PIK3AP1: variants seen among roughly 807,000 people sequenced by gnomAD.
PIK3AP1 encodes phosphoinositide 3-kinase adapter protein 1.
PIK3AP1 carries 21 observed loss-of-function variants against 88.1 expected under a neutral mutation model. The ratio of observed to expected loss-of-function variants is 0.24; its 90% CI spans 0.17 to 0.34. The LOEUF (loss-of-function observed/expected upper bound fraction) is 0.34, where lower values mean the gene tolerates loss of function less well. PIK3AP1 is among the 10% of genes least tolerant of loss of function. The pLI, the probability that PIK3AP1 is intolerant of heterozygous loss-of-function variation, is 1.00. For missense variants in PIK3AP1, 828 were observed against 1,035.7 expected, an observed-to-expected ratio of 0.80 and a Z score of 2.75; for synonymous variants, 398 against 400.0, an observed-to-expected ratio of 1.00 and a Z score of 0.06.
At chr10:96,685,429 C>CA (rs1844055418) in intron 2 of PIK3AP1, among the ~76,000 whole-genome samples, 1 of 152,212 alleles carries the variant, frequency 6.6e-6, no homozygotes, top group South Asian at 2.1e-4. Context: ...CATCTGCCCA[C>CA]AGCCCCTGGA....
intron 13 of PIK3AP1, among the ~76,000 whole-genome samples, chr10:96,611,113 G>T (rs950516243): frequency 6.6e-6 from 1 of 152,226 alleles, no homozygotes; most frequent in African/African-American, 2.4e-5. Flanking sequence ...GGATGAAGGA[G>T]CAGCGAGAGG....
chr10:96,664,414 T>G (rs947632937), intron 2 of PIK3AP1, among the ~76,000 whole-genome samples: 1 of 152,216 alleles, frequency 6.6e-6, no homozygotes, highest in African/African-American at 2.4e-5. Context: ...TTTATGTATT[T>G]TAGTATTTTC....
intron 16 of PIK3AP1, among the ~76,000 whole-genome samples, chr10:96,601,366 C>T (rs747319489): frequency 1.2e-4 from 17 of 146,808 alleles, no homozygotes; most frequent in Non-Finnish European, 1.6e-4. Flanking sequence ...CCCAGCTACT[C>T]GGAAGGCTGA....
Position 96,627,743 on chromosome 10 carries a change from TAAC to T in PIK3AP1, c.1471+652_1471+654del, listed in dbSNP as rs1302397783. Among the ~76,000 whole-genome samples, 2 of 152,212 alleles carry T rather than the reference TAAC, an allele frequency of 1.3e-5. 1 individual carries two copies. The highest frequency in any genetic ancestry group is 3.8e-4 in the East Asian group (2 of 5,202). Reference sequence around the variant, plus strand: ...CCACCTTTGAAACCTTCAGTAATAATAACAACAATAATAAATCTTCATTAACTG... The same window carrying T: ...CCACCTTTGAAACCTTCAGTAATAATAACAATAATAAATCTTCATTAACTG... On this transcript the variant is annotated intron_variant, in intron 9 of 16. Transcript: ENST00000339364.
At chr10:96,641,086 CGTGTGTGTGTGTGT>C (rs56816682) in intron 8 of PIK3AP1, among the ~76,000 whole-genome samples, 156 of 143,342 alleles carry the variant, frequency 1.1e-3, no homozygotes, top group Non-Finnish European at 2.0e-3. Context: ...GTGAGTGTGC[CGTGTGTGTGTGTGT>C]GTGTGTGTGT....
At position 96,597,271 on chromosome 10, in the gene PIK3AP1, TTTCCTTCCTTCCTTCCTTCCTTCCTTCC is replaced by T. The variant is rs536365112; in HGVS notation, c.2361-1665_2361-1638del. Among the ~76,000 whole-genome samples the T allele has an allele frequency of 1.6e-3, 172 of 107,612 alleles. 4 individuals are homozygous for T. Among genetic ancestry groups the T allele is most frequent in the African/African-American group, 6.3e-3 (153 of 24,316 alleles). 70.6% of individuals were successfully genotyped at this position (107,612 alleles called of 152,430 possible). On this transcript the variant is annotated intron_variant, in intron 16 of 16. Coordinates refer to ENST00000339364, the MANE Select transcript of PIK3AP1 (RefSeq NM_152309.3). ...CCTTCTTTTTTTCTTTCTTTCTTTC[TTTCCTTCCTTCCTTCCTTCCTTCCTTCC>T]TTCCTTCCTTCCTTCCTTCCTTCCT...
intron 2 of PIK3AP1, among the ~76,000 whole-genome samples, chr10:96,707,483 T>C (rs902527095): frequency 3.9e-5 from 6 of 152,084 alleles, no homozygotes; most frequent in Non-Finnish European, 8.8e-5. Context: ...TTAGTAGAGA[T>C]GGAGTTTCAC....
chr10:96,606,944 G>A (rs1023186143), intron 14 of PIK3AP1, among the ~76,000 whole-genome samples: 2 of 152,110 alleles, frequency 1.3e-5, no homozygotes, highest in African/African-American at 4.8e-5. Flanking sequence ...AAAAAAGAAA[G>A]AAAGAAAAAA....
chr10:96,625,132 G>T (rs1026647000), intron 10 of PIK3AP1, among the ~76,000 whole-genome samples: 1 of 152,154 alleles, frequency 6.6e-6, no homozygotes, highest in South Asian at 2.1e-4. Flanking sequence ...TGTAGAATGC[G>T]CAACTAAGAA....
intron 3 of PIK3AP1, among the ~76,000 whole-genome samples, chr10:96,655,437 G>C (rs1843601911): frequency 6.6e-6 from 1 of 152,146 alleles, no homozygotes; most frequent in African/African-American, 2.4e-5. Flanking sequence ...AATCTGGGAG[G>C]CAGAGGTTGC....
In PIK3AP1 at chr10:96,648,661, C is replaced by T; in HGVS notation, c.1183G>A (p.Val395Met). 6.2e-7 allele frequency: 1 copy of T among 1,606,856 alleles called. No individual in the cohort carries two copies. Among genetic ancestry groups the T allele is most frequent in the South Asian group, 1.1e-5 (1 of 89,518 alleles). The change falls in exon 7 of 17, where the codon GTG (valine) becomes ATG (methionine). Residue 395 changes from valine (V) to methionine (M), a missense_variant and splice_region_variant. Val to Met is a conservative substitution (Grantham distance 21, BLOSUM62 1). Transcript: ENST00000339364. ...RDLRQFIDEY[V>M]ETVDMLKSHI... ...GGCCCCTCCTGCCTTGACCTTACCA[C>T]ATACTCGTCGATGAACTGCCGCAGG...
At chr10:96,652,875 C>T in intron 3 of PIK3AP1, 33 bp from the exon 4 acceptor site, 1 of 1,604,948 alleles carries the variant, frequency 6.2e-7, no homozygotes, top group East Asian at 2.2e-5. Flanking sequence ...GTCCCCTCTC[C>T]CTCTCAGATC....
At chr10:96,710,206 C>T (rs138770414) in intron 1 of PIK3AP1, among the ~76,000 whole-genome samples, 1,764 of 142,228 alleles carry the variant, frequency 0.012, 17 homozygotes, top group African/African-American at 0.033. Flanking sequence ...ACATACCACG[C>T]TGTTTTATTA....
intron 7 of PIK3AP1, 116 bp from the exon 8 acceptor site, chr10:96,645,778 C>A: frequency 2.4e-6 from 2 of 825,194 alleles, no homozygotes; most frequent in Admixed American, 5.7e-5. Flanking sequence ...GTCAGGATTA[C>A]AACTGGTTGT....
At chr10:96,688,480 C>G (rs192147430) in intron 2 of PIK3AP1, among the ~76,000 whole-genome samples, 6 of 152,244 alleles carry the variant, frequency 3.9e-5, no homozygotes, top group Non-Finnish European at 7.4e-5. Context: ...ATATATTTAT[C>G]ATGTACACCA....
intron 2 of PIK3AP1, among the ~76,000 whole-genome samples, chr10:96,703,278 T>C (rs577828484): frequency 1.2e-4 from 19 of 152,296 alleles, no homozygotes; most frequent in Admixed American, 7.9e-4. Flanking sequence ...CCTCTAAATT[T>C]TTCCCATGGA....
Position 96,595,523 on chromosome 10 carries a change from G to A in PIK3AP1, c.*54C>T, listed in dbSNP as rs1848739238. 1 of 1,509,624 alleles carries A rather than the reference G, an allele frequency of 6.6e-7. No homozygotes were observed. Among genetic ancestry groups the A allele is most frequent in the African/African-American group, 1.4e-5 (1 of 72,628 alleles). 93.5% of individuals were successfully genotyped at this position (1,509,624 alleles called of 1,614,324 possible). On this transcript the variant is annotated 3_prime_UTR_variant, in exon 17 of 17. Transcript: ENST00000339364. ...CTCAACATGAAGACATCATTAACAG[G>A]CTGAAGACTGTGAGTCTTAAAGTCC...
intron 2 of PIK3AP1, among the ~76,000 whole-genome samples, chr10:96,670,874 C>G (rs1269854361): frequency 6.6e-6 from 1 of 152,200 alleles, no homozygotes; most frequent in Non-Finnish European, 1.5e-5. Context: ...CCACCCCGAG[C>G]AAGCGCTGCC....
intron 6 of PIK3AP1, among the ~76,000 whole-genome samples, chr10:96,650,377 G>T (rs1843520423): frequency 6.6e-6 from 1 of 152,142 alleles, no homozygotes. Flanking sequence ...ACTACAATAG[G>T]CATCCTGTCC....
Sources: gnomAD v4.1 joint callset for allele counts (sites outside exome capture counted in the v4.1 genomes callset) on GRCh38, gnomAD v4.1.1 for gene constraint, MANE v1.5 for transcripts, NCBI Gene and HGNC (gene_info 2026-07-23, HGNC 2026-07-21) for gene names.